TAFA2: variants seen among roughly 807,000 people sequenced by gnomAD.
TAFA2 encodes TAFA chemokine like family member 2, also known as chemokine-like protein TAFA-2.
A neutral mutation model predicts 18.8 loss-of-function variants in TAFA2; 7 were observed. The ratio of observed to expected loss-of-function variants is 0.37; its 90% CI spans 0.21 to 0.70. TAFA2 has a LOEUF of 0.70. Among genes scored for constraint, TAFA2 ranks in the 30% least tolerant of loss-of-function variants. TAFA2 has a pLI of 0.53. For missense variants in TAFA2, 122 were observed against 158.1 expected (o/e 0.77, Z 1.23); for synonymous variants, 60 against 54.2 (o/e 1.11, Z -0.47).
intron 2 of TAFA2, among the ~76,000 whole-genome samples, chr12:61,850,669 T>A (rs1393524906): frequency 6.6e-6 from 1 of 152,090 alleles, no homozygotes; most frequent in Non-Finnish European, 1.5e-5. Flanking sequence ...GAGATTTTAT[T>A]TTTTAAAATT....
intron 1 of TAFA2, among the ~76,000 whole-genome samples, chr12:62,236,563 C>G (rs1430435401): frequency 1.3e-5 from 2 of 152,210 alleles, no homozygotes; most frequent in Non-Finnish European, 2.9e-5. Context: ...CCGCACCCAG[C>G]CCAAATGTTT....
At chr12:61,764,006 A>G (rs1869676352) in intron 2 of TAFA2, among the ~76,000 whole-genome samples, 1 of 152,146 alleles carries the variant, frequency 6.6e-6, no homozygotes, top group South Asian at 2.1e-4. Flanking sequence ...AATTAAAGCT[A>G]TAATTAACAA....
intron 4 of TAFA2, among the ~76,000 whole-genome samples, chr12:61,747,647 T>C (rs2120728985): frequency 6.7e-6 from 1 of 148,414 alleles, no homozygotes; most frequent in East Asian, 2.1e-4. Context: ...TTCTCACTCA[T>C]AGGTGGGAAT....
At chr12:62,035,368 G>A (rs1048598191) in intron 1 of TAFA2, among the ~76,000 whole-genome samples, 5 of 152,278 alleles carry the variant, frequency 3.3e-5, no homozygotes, top group Admixed American at 6.5e-5. Context: ...TGTTAATAAT[G>A]TCCAAGGACA....
At chr12:61,884,490 C>T (rs183485855) in intron 1 of TAFA2, among the ~76,000 whole-genome samples, 6 of 152,256 alleles carry the variant, frequency 3.9e-5, no homozygotes, top group African/African-American at 1.4e-4. Context: ...TTTGTAGTCG[C>T]TCTTTTTTAG....
intron 4 of TAFA2, among the ~76,000 whole-genome samples, chr12:61,728,886 T>G (rs1870304913): frequency 6.6e-6 from 1 of 152,088 alleles, no homozygotes; most frequent in African/African-American, 2.4e-5. Flanking sequence ...ATTCAAGGTT[T>G]TGTGTCAAGA....
At chr12:62,137,098 A>G (rs1007706243) in intron 1 of TAFA2, among the ~76,000 whole-genome samples, 3 of 152,176 alleles carry the variant, frequency 2.0e-5, no homozygotes, top group Admixed American at 6.6e-5. Context: ...TTTGTCTTCA[A>G]TACAATCACA....
intron 1 of TAFA2, among the ~76,000 whole-genome samples, chr12:61,975,619 G>T (rs1369664011): frequency 1.3e-5 from 2 of 149,866 alleles, no homozygotes; most frequent in East Asian, 4.0e-4. Flanking sequence ...TGTGAATAAT[G>T]CTGCAATTAA....
chr12:62,097,809 T>C (rs1383364406), intron 1 of TAFA2, among the ~76,000 whole-genome samples: 4 of 152,130 alleles, frequency 2.6e-5, no homozygotes, highest in African/African-American at 9.7e-5. Context: ...CCTCAGTAGT[T>C]TTCTCTTTTC....
At chr12:62,078,951 T>C (rs898188461) in intron 1 of TAFA2, among the ~76,000 whole-genome samples, 1 of 152,232 alleles carries the variant, frequency 6.6e-6, no homozygotes, top group African/African-American at 2.4e-5. Context: ...CTGGTTCACT[T>C]TGTCCCCTGG....
intron 1 of TAFA2, among the ~76,000 whole-genome samples, chr12:61,977,715 T>C (rs1879486904): frequency 6.6e-6 from 1 of 152,240 alleles, no homozygotes; most frequent in Non-Finnish European, 1.5e-5. Context: ...TACAGGTCTT[T>C]GTAGCTTCCT....
intron 1 of TAFA2, among the ~76,000 whole-genome samples, chr12:62,078,252 A>G (rs1304570618): frequency 6.6e-6 from 1 of 152,192 alleles, no homozygotes; most frequent in Non-Finnish European, 1.5e-5. Context: ...CATAAAAGGC[A>G]GAGCCTAACG....
chr12:62,172,791 C>T (rs917400223), intron 1 of TAFA2, among the ~76,000 whole-genome samples: 4 of 152,132 alleles, frequency 2.6e-5, no homozygotes, highest in Non-Finnish European at 5.9e-5. Flanking sequence ...AATTTAAATG[C>T]TAGTAACCTT....
chr12:61,909,360 C>T (rs1876503586), intron 1 of TAFA2, among the ~76,000 whole-genome samples: 1 of 152,102 alleles, frequency 6.6e-6, no homozygotes, highest in Admixed American at 6.5e-5. Context: ...GCATATAAGG[C>T]TCTGGACCTA....
At chr12:61,881,185 A>G (rs1012174270) in intron 1 of TAFA2, among the ~76,000 whole-genome samples, 1 of 152,190 alleles carries the variant, frequency 6.6e-6, no homozygotes, top group Non-Finnish European at 1.5e-5. Flanking sequence ...ACACATGGCT[A>G]GAAATAAATT....
At chr12:61,846,149 T>C (rs745570468) in intron 2 of TAFA2, among the ~76,000 whole-genome samples, 3 of 152,104 alleles carry the variant, frequency 2.0e-5, no homozygotes, top group African/African-American at 4.8e-5. Flanking sequence ...CTTGAAAAAA[T>C]AGGGATTCTA....
rs181572478 is a variant in TAFA2 at position 61,890,281 on chromosome 12, C to T, written c.-1-22855G>A. The T allele has an allele frequency of 5.9e-5, 9 of 152,358 alleles. No individual in the cohort carries two copies. In the East Asian group the frequency reaches 1.7e-3, roughly 29 times the overall value. 9.4% of individuals were successfully genotyped at this position (152,358 alleles called of 1,614,324 possible). A position where few individuals can be genotyped will look rare whatever the true frequency, so the allele number is the denominator to read the frequency against. ...AATATAAATTTACTCTATGACATTC[C>T]TGTCATGTCTGCTCAGTGAGCAAGT... On this transcript the variant is annotated intron_variant, in intron 1 of 4. Transcript: ENST00000416284.
At chr12:62,040,460 A>G (rs920396399) in intron 1 of TAFA2, among the ~76,000 whole-genome samples, 5 of 152,088 alleles carry the variant, frequency 3.3e-5, no homozygotes, top group Non-Finnish European at 7.4e-5. Context: ...ATTTCCTCAT[A>G]GAAAGAGGAA....
intron 1 of TAFA2, among the ~76,000 whole-genome samples, chr12:62,126,611 A>G (rs1367080147): frequency 6.6e-6 from 1 of 152,062 alleles, no homozygotes; most frequent in Non-Finnish European, 1.5e-5. Flanking sequence ...CTCTATGTGC[A>G]TAGAAGGGGA....
Sources: allele counts gnomAD v4.1 joint callset (sites outside exome capture counted in the v4.1 genomes callset), GRCh38; gene constraint gnomAD v4.1.1; transcripts MANE v1.5; gene names NCBI Gene and HGNC (gene_info 2026-07-23, HGNC 2026-07-21).